RBFOX1: variants seen among roughly 807,000 people sequenced by gnomAD.
RBFOX1 encodes RNA binding protein fox-1 homolog 1.
RBFOX1 carries 8 observed loss-of-function variants against 57.7 expected under a neutral mutation model. The observed-to-expected ratio is 0.14, with a 90% CI of 0.08 to 0.25. The LOEUF (loss-of-function observed/expected upper bound fraction) is 0.25. Ranked by LOEUF, RBFOX1 falls within the 10% of genes least tolerant of loss-of-function variation. RBFOX1 has a pLI of 1.00. For missense variants in RBFOX1, 611 were observed against 548.5 expected (o/e 1.11, Z -1.14); for synonymous variants, 326 against 222.4 (o/e 1.47, Z -4.15).
At chr16:6,751,961 T>C (rs2075007396) in intron 3 of RBFOX1, among the ~76,000 whole-genome samples, 2 of 152,166 alleles carry the variant, frequency 1.3e-5, no homozygotes, top group African/African-American at 4.8e-5. Flanking sequence ...ATTGAGATTT[T>C]ATGTCCTTGC....
intron 1 of RBFOX1, among the ~76,000 whole-genome samples, chr16:6,123,970 A>G (rs919457781): frequency 6.6e-6 from 1 of 152,206 alleles, no homozygotes; most frequent in Non-Finnish European, 1.5e-5. Flanking sequence ...GGAGAAAAGC[A>G]TATACCGCTT....
intron 5 of RBFOX1, among the ~76,000 whole-genome samples, chr16:7,553,904 G>A (rs2087421977): frequency 2.0e-5 from 3 of 152,186 alleles, no homozygotes; most frequent in Admixed American, 2.0e-4. Flanking sequence ...GCTAAGTTCT[G>A]CTTAAAAGCC....
chr16:7,393,446 C>G (rs548689713), intron 4 of RBFOX1, among the ~76,000 whole-genome samples: 1 of 152,236 alleles, frequency 6.6e-6, no homozygotes, highest in East Asian at 1.9e-4. Context: ...TAGGAGCACA[C>G]TTTTTATATA....
intron 2 of RBFOX1, among the ~76,000 whole-genome samples, chr16:5,554,343 A>T (rs1597501552): frequency 6.6e-6 from 1 of 152,326 alleles, no homozygotes; most frequent in East Asian, 1.9e-4. Context: ...CGAAAGTTAT[A>T]AAACTGGTGT....
intron 1 of RBFOX1, among the ~76,000 whole-genome samples, chr16:6,077,716 A>G (rs2095929040): frequency 6.6e-6 from 1 of 151,494 alleles, no homozygotes; most frequent in Non-Finnish European, 1.5e-5. Flanking sequence ...TTATTCATTT[A>G]TGTATTTATT....
chr16:6,987,397 G>A (rs917246365), intron 3 of RBFOX1, among the ~76,000 whole-genome samples: 1 of 149,706 alleles, frequency 6.7e-6, no homozygotes, highest in Admixed American at 6.7e-5. Flanking sequence ...CTGATTCCAG[G>A]CCCAGGTTAT....
intron 4 of RBFOX1, among the ~76,000 whole-genome samples, chr16:7,083,522 G>A (rs556985829): frequency 6.6e-6 from 1 of 152,232 alleles, no homozygotes; most frequent in African/African-American, 2.4e-5. Context: ...AGTATAGCCT[G>A]TGTACACCCC....
chr16:6,269,351 G>T (rs902970493), intron 1 of RBFOX1, among the ~76,000 whole-genome samples: 1 of 152,114 alleles, frequency 6.6e-6, no homozygotes, highest in African/African-American at 2.4e-5. Context: ...AGAACCCATG[G>T]ATATAGAGGG....
intron 2 of RBFOX1, among the ~76,000 whole-genome samples, chr16:6,568,042 G>C (rs946922574): frequency 6.6e-6 from 1 of 152,138 alleles, no homozygotes; most frequent in African/African-American, 2.4e-5. Context: ...GGCTGGCCTT[G>C]AACTTCTGGC....
At chr16:5,851,147 G>A (rs186875137) in intron 3 of RBFOX1, among the ~76,000 whole-genome samples, 3 of 152,274 alleles carry the variant, frequency 2.0e-5, no homozygotes, top group Non-Finnish European at 2.9e-5. Context: ...AAAATTCTGG[G>A]TTGTGAAGCC....
chr16:5,597,686 G>A (rs750857997), intron 2 of RBFOX1, among the ~76,000 whole-genome samples: 1 of 152,074 alleles, frequency 6.6e-6, no homozygotes, highest in Non-Finnish European at 1.5e-5. Flanking sequence ...ACATTGTAGA[G>A]CTTTAGGCAT....
chr16:7,516,470 GAAGAAAC>G (rs1363854508), intron 4 of RBFOX1, among the ~76,000 whole-genome samples: 1 of 152,202 alleles, frequency 6.6e-6, no homozygotes, highest in African/African-American at 2.4e-5. Context: ...GGGCTTTGTT[GAAGAAAC>G]AGGAGTGGAG....
Position 6,920,731 on chromosome 16 carries a change from C to G in RBFOX1, c.-15-131326C>G, listed in dbSNP as rs183173297. ...TGGCTTGTGGCTGCATCACTCCAGT[C>G]TTTACTTCATCTGCAGTGGGCTTTC... On this transcript the variant is annotated intron_variant, in intron 3 of 15. Coordinates refer to ENST00000550418, the MANE Select transcript of RBFOX1 (RefSeq NM_018723.4). 9.8e-5 allele frequency among the ~76,000 whole-genome samples: 15 copies of G among 152,318 alleles called. No individual in the cohort carries two copies. In the South Asian group the frequency reaches 2.3e-3, roughly 23 times the overall value.
chr16:5,332,054 A>G (rs1180756252), intron 1 of RBFOX1, among the ~76,000 whole-genome samples: 1 of 152,344 alleles, frequency 6.6e-6, no homozygotes, highest in South Asian at 2.1e-4. Context: ...AGCTTTAATC[A>G]TAATGGCTTT....
chr16:7,551,307 A>T (rs1282821420), intron 5 of RBFOX1, among the ~76,000 whole-genome samples: 1 of 152,100 alleles, frequency 6.6e-6, no homozygotes. Context: ...AGCAACAGTG[A>T]TTTCAGACGT....
chr16:5,893,091 A>C (rs963959357), intron 4 of RBFOX1, among the ~76,000 whole-genome samples: 1 of 152,216 alleles, frequency 6.6e-6, no homozygotes, highest in African/African-American at 2.4e-5. Context: ...GTCAGTATCA[A>C]ATGTGTATGC....
rs918798209 is a variant in RBFOX1 at position 5,569,330 on chromosome 16, C to A, written c.259-29572C>A. On this transcript the variant is annotated intron_variant, in intron 2 of 2. Transcript: ENST00000585867. ...GAAGCTTGGTTCTGATTTTCTCTCA[C>A]CTCAGGCAAATCACTTCCACTGGCT... Among the ~76,000 whole-genome samples, 3 of 151,598 alleles carry A rather than the reference C, an allele frequency of 2.0e-5. No homozygotes were observed. In the East Asian group the frequency reaches 5.9e-4, roughly 30 times the overall value.
chr16:6,070,666 T>A (rs905455880), intron 1 of RBFOX1, among the ~76,000 whole-genome samples: 1 of 150,352 alleles, frequency 6.7e-6, no homozygotes, highest in Non-Finnish European at 1.5e-5. Flanking sequence ...TTAGCTTTTC[T>A]AAAAAAAAAA....
rs1019711877 is a variant in RBFOX1, at chr16:7,124,259, T to A, written c.27+72161T>A. 3.9e-5 allele frequency among the ~76,000 whole-genome samples: 6 copies of A among 152,004 alleles called. No homozygotes were observed. In the South Asian group the frequency reaches 8.3e-4, roughly 21 times the overall value. On this transcript the variant is annotated intron_variant, in intron 4 of 15. Transcript: ENST00000550418. ...GACTAGCCTGGGCAAAAATATTTTT[T>A]AAAAAATTGCCAGGTGTAGTGGTGT...
Sources: allele counts gnomAD v4.1 joint callset (sites outside exome capture counted in the v4.1 genomes callset), GRCh38; gene constraint gnomAD v4.1.1; transcripts MANE v1.5; gene names NCBI Gene and HGNC (gene_info 2026-07-23, HGNC 2026-07-21).